Variants in BANK1 observed in about 807,000 individuals in gnomAD.
BANK1 encodes the protein B cell scaffold protein with ankyrin repeats 1, also known as B-cell scaffold protein with ankyrin repeats.
BANK1 carries 95 observed loss-of-function variants against 94.5 expected under a neutral mutation model. The ratio of observed to expected loss-of-function variants is 1.00; its 90% CI spans 0.85 to 1.19. The LOEUF (loss-of-function observed/expected upper bound fraction) is 1.19. Ranked by LOEUF, BANK1 falls within the 50% of genes most tolerant of loss-of-function variation. BANK1 has a pLI of 0.00. For missense variants in BANK1, 987 were observed against 932.2 expected (o/e 1.06, Z -0.77); for synonymous variants, 334 against 308.4 (o/e 1.08, Z -0.87).
chr4:101,906,037 T>G (rs1722437025), intron 6 of BANK1, among the ~76,000 whole-genome samples: 1 of 152,176 alleles, frequency 6.6e-6, no homozygotes, highest in African/African-American at 2.4e-5. Flanking sequence ...CCAGCCCAGG[T>G]GCCAACCCCC....
chr4:101,915,484 A>G (rs960442960), intron 6 of BANK1, among the ~76,000 whole-genome samples: 1 of 152,166 alleles, frequency 6.6e-6, no homozygotes, highest in African/African-American at 2.4e-5. Context: ...GACATAACCT[A>G]TTCAACTAAA....
At chr4:101,831,401 A>G (rs1273810749) in intron 2 of BANK1, among the ~76,000 whole-genome samples, 1 of 152,196 alleles carries the variant, frequency 6.6e-6, no homozygotes, top group Non-Finnish European at 1.5e-5. Context: ...CCTGGTGGAA[A>G]ACAACTTTCT....
intron 11 of BANK1, among the ~76,000 whole-genome samples, chr4:102,056,453 T>C (rs1357357369): frequency 6.6e-6 from 1 of 151,600 alleles, no homozygotes; most frequent in African/African-American, 2.4e-5. Context: ...TTAAAAACCA[T>C]TTTTCAAAGA....
At chr4:102,041,592 G>A (rs1727703228) in intron 10 of BANK1, among the ~76,000 whole-genome samples, 1 of 151,982 alleles carries the variant, frequency 6.6e-6, no homozygotes, top group Non-Finnish European at 1.5e-5. Flanking sequence ...ACTCAGAGGT[G>A]GGTAAAGCAG....
intron 10 of BANK1, among the ~76,000 whole-genome samples, chr4:102,031,397 A>G (rs950696564): frequency 6.6e-6 from 1 of 152,080 alleles, no homozygotes; most frequent in Non-Finnish European, 1.5e-5. Context: ...TTGCGTGTTC[A>G]CTCTGATGAT....
intron 10 of BANK1, among the ~76,000 whole-genome samples, chr4:102,041,088 A>G (rs762090451): frequency 1.3e-5 from 2 of 152,094 alleles, no homozygotes; most frequent in Non-Finnish European, 2.9e-5. Context: ...GTACTTTTGT[A>G]TATAAATCTG....
intron 7 of BANK1, among the ~76,000 whole-genome samples, chr4:101,978,590 T>G (rs1484972288): frequency 6.6e-6 from 1 of 152,080 alleles, no homozygotes; most frequent in African/African-American, 2.4e-5. Flanking sequence ...CTATAGAGCT[T>G]TTCAAGACAC....
intron 7 of BANK1, among the ~76,000 whole-genome samples, chr4:102,003,819 A>G (rs1726156026): frequency 6.6e-6 from 1 of 151,812 alleles, no homozygotes; most frequent in Admixed American, 6.6e-5. Context: ...ACATGCATAT[A>G]TATATTTACT....
At chr4:101,949,732 T>G (rs1267570750) in intron 7 of BANK1, among the ~76,000 whole-genome samples, 3 of 152,104 alleles carry the variant, frequency 2.0e-5, no homozygotes, top group African/African-American at 7.2e-5. Context: ...ATGTACAAGA[T>G]CAACATGTTA....
chr4:101,883,536 A>G (rs1257588329), intron 5 of BANK1, among the ~76,000 whole-genome samples: 1 of 152,136 alleles, frequency 6.6e-6, no homozygotes, highest in Non-Finnish European at 1.5e-5. Flanking sequence ...GGCAATGAAT[A>G]CTCTTCATTT....
intron 1 of BANK1, chr4:101,813,885 T>C: frequency 1.0e-6 from 1 of 985,498 alleles, no homozygotes; most frequent in Non-Finnish European, 1.2e-6. Context: ...GACTACTTGC[T>C]TGCTGGTTTT....
intron 7 of BANK1, among the ~76,000 whole-genome samples, chr4:101,975,303 ATAAAT>A (rs1349549640): frequency 6.6e-6 from 1 of 152,198 alleles, no homozygotes; most frequent in Non-Finnish European, 1.5e-5. Context: ...GAGCAATGAT[ATAAAT>A]TATTTAACTT....
At chr4:101,797,049 G>C (rs1725179642) in intron 1 of BANK1, among the ~76,000 whole-genome samples, 1 of 152,064 alleles carries the variant, frequency 6.6e-6, no homozygotes, top group African/African-American at 2.4e-5. Context: ...CTGTGTTTTA[G>C]AGATTAGTCT....
chr4:101,925,386 G>A (rs1329062516), intron 7 of BANK1, among the ~76,000 whole-genome samples: 1 of 151,638 alleles, frequency 6.6e-6, no homozygotes, highest in Admixed American at 6.6e-5. Flanking sequence ...CATGGTATAT[G>A]AGGACAAGTG....
At chr4:101,864,943 G>C (rs1728013708) in intron 4 of BANK1, among the ~76,000 whole-genome samples, 1 of 152,102 alleles carries the variant, frequency 6.6e-6, no homozygotes, top group Admixed American at 6.6e-5. Flanking sequence ...AGAGAAGGGA[G>C]ACCTTTTTTG....
Position 102,010,402 on chromosome 4 carries a change from T to G in BANK1, c.1207-11112T>G, listed in dbSNP as rs979964877. Among the ~76,000 whole-genome samples, 697 of 151,346 alleles carry G rather than the reference T, an allele frequency of 4.6e-3. 7 individuals carry two copies. The highest frequency in any genetic ancestry group is 5.9e-3 in the Non-Finnish European group (398 of 67,714). Reference sequence around the variant, plus strand: ...AGTTTGATTAATTTCTTTTTTTTTTTTTTTTTTGGGACGGAGTTTCACTTT... The same window carrying G: ...AGTTTGATTAATTTCTTTTTTTTTTGTTTTTTTGGGACGGAGTTTCACTTT... On this transcript the variant is annotated intron_variant, in intron 7 of 16. Coordinates refer to ENST00000322953, the MANE Select transcript of BANK1 (RefSeq NM_017935.5).
chr4:101,975,844 T>C (rs926982786), intron 7 of BANK1, among the ~76,000 whole-genome samples: 1 of 152,154 alleles, frequency 6.6e-6, no homozygotes, highest in Non-Finnish European at 1.5e-5. Context: ...AATATTCATA[T>C]TGTTATAATG....
At chr4:101,851,445 T>C (rs1727472954) in intron 2 of BANK1, among the ~76,000 whole-genome samples, 1 of 152,184 alleles carries the variant, frequency 6.6e-6, no homozygotes, top group Middle Eastern at 3.2e-3. Flanking sequence ...CACAACTGTA[T>C]GCACTAGAGA....
At chr4:101,810,010 G>A (rs1444966261) in intron 1 of BANK1, among the ~76,000 whole-genome samples, 1 of 152,040 alleles carries the variant, frequency 6.6e-6, no homozygotes, top group Non-Finnish European at 1.5e-5. Flanking sequence ...TGTCCAGTTG[G>A]GCCCAATATA....
Sources: gnomAD v4.1 joint callset for allele counts (sites outside exome capture counted in the v4.1 genomes callset) on GRCh38, gnomAD v4.1.1 for gene constraint, MANE v1.5 for transcripts, NCBI Gene and HGNC (gene_info 2026-07-23, HGNC 2026-07-21) for gene names.